Variants in XRN1 observed in about 807,000 individuals in gnomAD.
XRN1 encodes 5'-3' exoribonuclease 1.
XRN1 carries 67 observed loss-of-function variants against 222.3 expected under a neutral mutation model. That is an observed-to-expected ratio of 0.30 (90% CI 0.25 to 0.37). The LOEUF is 0.37. Ranked by LOEUF, XRN1 falls within the 10% of genes least tolerant of loss-of-function variation. The pLI, the probability that XRN1 is intolerant of heterozygous loss-of-function variation, is 1.00. For missense variants in XRN1, 1,707 were observed against 2,000.2 expected, an observed-to-expected ratio of 0.85 and a Z score of 2.80; for synonymous variants, 643 against 652.4, an observed-to-expected ratio of 0.99 and a Z score of 0.22.
intron 1 of XRN1, among the ~76,000 whole-genome samples, chr3:142,433,462 T>C (rs2069720352): frequency 6.6e-6 from 1 of 152,226 alleles, no homozygotes; most frequent in South Asian, 2.1e-4. Context: ...GTTTGTGATA[T>C]GTGGGTTAAT....
intron 20 of XRN1, among the ~76,000 whole-genome samples, chr3:142,385,706 C>G (rs1188444980): frequency 6.6e-6 from 1 of 151,994 alleles, no homozygotes; most frequent in East Asian, 1.9e-4. Context: ...TTAAGGAATA[C>G]TTTCTTATCT....
intron 22 of XRN1, among the ~76,000 whole-genome samples, chr3:142,381,864 C>A (rs542763297): frequency 6.6e-6 from 1 of 152,102 alleles, no homozygotes. Context: ...CCATACCCAG[C>A]CAACATTGAC....
At chr3:142,443,713 C>A (rs2070362090) in intron 1 of XRN1, among the ~76,000 whole-genome samples, 1 of 152,230 alleles carries the variant, frequency 6.6e-6, no homozygotes, top group Non-Finnish European at 1.5e-5. Flanking sequence ...ATCCCAGCAA[C>A]CCCACTGCTA....
intron 29 of XRN1, among the ~76,000 whole-genome samples, chr3:142,363,466 G>C (rs934527243): frequency 6.6e-6 from 1 of 151,722 alleles, no homozygotes; most frequent in Non-Finnish European, 1.5e-5. Context: ...ATACAGGTTT[G>C]GGTCTATTTC....
Position 142,310,280 on chromosome 3 carries a change from T to C in XRN1, c.*1231A>G, listed in dbSNP as rs1230363458. On this transcript the variant is annotated 3_prime_UTR_variant, in exon 41 of 41. Transcript: ENST00000392981. Reference sequence around the variant, plus strand: ...GGTTCCTACTTTTAAAAAAGTATGCTATAACTTACTTCCTTAAAAATATAA... The same window carrying C: ...GGTTCCTACTTTTAAAAAAGTATGCCATAACTTACTTCCTTAAAAATATAA... 1 of 152,382 alleles carries C rather than the reference T, an allele frequency of 6.6e-6. No homozygotes were observed. Among genetic ancestry groups the C allele is most frequent in the African/African-American group, 2.4e-5 (1 of 41,420 alleles). The allele number at this position is 152,382 out of a possible 1,614,324, so 9.4% of individuals were successfully genotyped here.
intron 20 of XRN1, among the ~76,000 whole-genome samples, chr3:142,391,498 G>A (rs2067709238): frequency 6.6e-6 from 1 of 151,972 alleles, no homozygotes; most frequent in South Asian, 2.1e-4. Context: ...AGAGGCTAAG[G>A]CAGGAGTATC....
At chr3:142,393,040 C>CA (rs1352675300) in intron 20 of XRN1, among the ~76,000 whole-genome samples, 3 of 151,736 alleles carry the variant, frequency 2.0e-5, no homozygotes, top group Admixed American at 6.6e-5. Context: ...GATGGTATCT[C>CA]ATTGTGGTTT....
chr3:142,311,958 T>C (rs983790607), intron 40 of XRN1, 145 bp from the exon 41 acceptor site: 47 of 871,206 alleles, frequency 5.4e-5, no homozygotes, highest in Middle Eastern at 3.6e-4. Flanking sequence ...AGTAAGACTT[T>C]AGTAATTCAA....
At chr3:142,392,864 G>T (rs1370957660) in intron 20 of XRN1, among the ~76,000 whole-genome samples, 3 of 151,340 alleles carry the variant, frequency 2.0e-5, no homozygotes, top group Non-Finnish European at 2.9e-5. Context: ...TGGGTCAAAT[G>T]GTATTTCCAG....
In XRN1 at chr3:142,356,984, T is replaced by C; in HGVS notation, c.3600A>G (p.Ser1200=). 1 of 1,613,656 alleles carries C rather than the reference T, an allele frequency of 6.2e-7. No homozygotes were observed. Among genetic ancestry groups the C allele is most frequent in the Non-Finnish European group, 8.5e-7 (1 of 1,179,596 alleles). The change falls in exon 31 of 41, where the codon TCA becomes TCG. Residue 1200 remains serine (S), a synonymous_variant. Coordinates refer to ENST00000392981, the MANE Select transcript of XRN1 (RefSeq NM_001282857.2). ...KPQPAVHQHS[S]SSSVSSGHLG... ...AATGCCCAGAGGAAACTGATGAACT[T>C]GAGCTATGTTGATGTACAGCTGGTT...
chr3:142,437,692 T>C (rs1213370558), intron 1 of XRN1, among the ~76,000 whole-genome samples: 3 of 152,072 alleles, frequency 2.0e-5, no homozygotes, highest in African/African-American at 4.8e-5. Context: ...AATGGAGAAA[T>C]GGGATCACAT....
At position 142,334,765 on chromosome 3, in the gene XRN1, T is replaced by TAC. The variant is rs1491418734; in HGVS notation, c.3939+682_3939+683insGT. On this transcript the variant is annotated intron_variant, in intron 34 of 40. Coordinates refer to ENST00000392981, the MANE Select transcript of XRN1 (RefSeq NM_001282857.2). ...ATGTGTGTGTATATATATGTCTATG[T>TAC]ATACACACACACACACACACACACA... is the stretch of plus-strand genomic sequence containing the variant. Among the ~76,000 whole-genome samples the TAC allele has an allele frequency of 9.5e-4, 109 of 114,188 alleles. 1 individual carries two copies. Among genetic ancestry groups the TAC allele is most frequent in the African/African-American group, 3.2e-3 (74 of 23,112 alleles). The allele number at this position is 114,188 out of a possible 152,430, so 74.9% of individuals were successfully genotyped here.
intron 1 of XRN1, chr3:142,434,948 T>C (rs916792482): frequency 6.6e-6 from 1 of 152,174 alleles, no homozygotes; most frequent in Non-Finnish European, 1.5e-5. Context: ...ACAAATATTT[T>C]TAAACTCTTA....
At chr3:142,434,942 A>G (rs1254010510) in intron 1 of XRN1, 1 of 152,228 alleles carries the variant, frequency 6.6e-6, no homozygotes, top group East Asian at 1.9e-4. Context: ...TTACATACAA[A>G]TATTTTTAAA....
At chr3:142,383,798 T>A (rs2107942550) in intron 21 of XRN1, among the ~76,000 whole-genome samples, 1 of 152,222 alleles carries the variant, frequency 6.6e-6, no homozygotes, top group Non-Finnish European at 1.5e-5. Context: ...AATTACAGGA[T>A]CGCTACATAC....
At chr3:142,311,888 A>G in intron 40 of XRN1, 75 bp from the exon 41 acceptor site, 1 of 1,404,958 alleles carries the variant, frequency 7.1e-7, no homozygotes, top group Non-Finnish European at 9.6e-7. Flanking sequence ...ACCATAAACC[A>G]TGCATGCTGT....
intron 8 of XRN1, 75 bp from the exon 9 acceptor site, chr3:142,421,618 C>CA: frequency 9.0e-7 from 1 of 1,115,298 alleles, no homozygotes; most frequent in Non-Finnish European, 1.3e-6. Flanking sequence ...ACTCTTTCTA[C>CA]AAAATGTTGA....
At chr3:142,417,358 C>A in intron 12 of XRN1, 129 bp from the exon 13 acceptor site, 1 of 711,440 alleles carries the variant, frequency 1.4e-6, no homozygotes, top group Admixed American at 2.9e-5. Context: ...CTATTTATGG[C>A]TAAAAATTAT....
intron 2 of XRN1, 57 bp from the exon 3 acceptor site, chr3:142,426,898 TATATAA>T: frequency 7.2e-7 from 1 of 1,386,052 alleles, no homozygotes; most frequent in South Asian, 1.2e-5. Flanking sequence ...TGAAGATCTT[TATATAA>T]ACTGCTATGT....
Sources: gnomAD v4.1 joint callset for allele counts (sites outside exome capture counted in the v4.1 genomes callset) on GRCh38, gnomAD v4.1.1 for gene constraint, MANE v1.5 for transcripts, NCBI Gene and HGNC (gene_info 2026-07-23, HGNC 2026-07-21) for gene names.